Variants in CCT7 observed in about 807,000 individuals in gnomAD.
CCT7 encodes chaperonin containing TCP1 subunit 7.
Under a neutral mutation model 56.6 loss-of-function variants are expected in CCT7, and 16 were observed. The ratio of observed to expected loss-of-function variants is 0.28; its 90% CI spans 0.19 to 0.43. The LOEUF (loss-of-function observed/expected upper bound fraction) is 0.43, where lower values mean the gene tolerates loss of function less well. Ranked by LOEUF, CCT7 falls within the 20% of genes least tolerant of loss-of-function variation. The probability of loss-of-function intolerance (pLI) is 1.00; values close to 1 mark genes in which losing one functional copy is unlikely to be tolerated. For missense variants in CCT7, 519 were observed against 685.6 expected (o/e 0.76, Z 2.71); for synonymous variants, 262 against 254.8 (o/e 1.03, Z -0.27).
At chr2:73,252,326 T>G (rs535464915) in intron 11 of CCT7, among the ~76,000 whole-genome samples, 6 of 114,496 alleles carry the variant, frequency 5.2e-5, no homozygotes, top group Admixed American at 8.0e-5. Flanking sequence ...CATTGTTTGA[T>G]ATATATATAT....
intron 4 of CCT7, among the ~76,000 whole-genome samples, chr2:73,243,674 A>G (rs1687210876): frequency 6.6e-6 from 1 of 152,244 alleles, no homozygotes; most frequent in Non-Finnish European, 1.5e-5. Flanking sequence ...TTAGTAAACC[A>G]GGAGGTTTGG....
chr2:73,252,689 A>G lies in CCT7; in HGVS notation c.1460A>G (p.Asn487Ser). The G allele has an allele frequency of 1.2e-6, 2 of 1,614,152 alleles. No individual in the cohort carries two copies. The highest frequency in any genetic ancestry group is 1.7e-6 in the Non-Finnish European group (2 of 1,180,020). ...ATCAACAACGAGGACATTGCTGACA[A>G]CTTTGAAGCTTTCGTGTGGGAGCCA... ...VDINNEDIAD[N>S]FEAFVWEPAM... The change falls in exon 12 of 12, where the codon AAC (asparagine) becomes AGC (serine). Residue 487 changes from asparagine to serine, a missense_variant. Asn to Ser is a conservative substitution (Grantham distance 46, BLOSUM62 1). Transcript: ENST00000258091.
chr2:73,243,986 GT>G lies in CCT7; in HGVS notation c.394-9del. ...AGCATGAGAGACTCATTCAACTTCT[GT>G]TCTTGGCAGGCAGTTAACAAGATCA... On this transcript the variant is annotated splice_polypyrimidine_tract_variant and intron_variant, in intron 4 of 11. Transcript: ENST00000258091. 6.2e-7 allele frequency: 1 copy of G among 1,613,204 alleles called. No individual in the cohort carries two copies.
At chr2:73,245,310 A>G (rs1392314692) in intron 6 of CCT7, among the ~76,000 whole-genome samples, 4 of 152,236 alleles carry the variant, frequency 2.6e-5, no homozygotes, top group Admixed American at 1.3e-4. Flanking sequence ...GCTTTTGTCC[A>G]TTTAACAACA....
chr2:73,250,032 C>A, intron 9 of CCT7, 116 bp downstream of exon 9: 1 of 785,734 alleles, frequency 1.3e-6, no homozygotes, highest in Admixed American at 1.9e-5. Flanking sequence ...AAGTGGTATA[C>A]AGCTTTTACA....
At chr2:73,251,605 G>A (rs543229473) in intron 11 of CCT7, among the ~76,000 whole-genome samples, 173 bp downstream of exon 11, 2 of 152,340 alleles carry the variant, frequency 1.3e-5, no homozygotes, top group East Asian at 3.9e-4. Flanking sequence ...AAGCCATGGT[G>A]CTAGCACAGG....
rs753075341 is a variant in CCT7, at chr2:73,250,291, T to C, written c.1071-15T>C. The stretch of plus-strand genomic sequence containing the variant: ...GACAAGAGTTCATGTGTGTACTGTT[T>C]AATCCTGGGCATAGGTACAATTTTT... On this transcript the variant is annotated splice_polypyrimidine_tract_variant and intron_variant, in intron 9 of 11. Coordinates refer to ENST00000258091, the MANE Select transcript of CCT7 (RefSeq NM_006429.4). 2 of 1,614,074 alleles carry C rather than the reference T, an allele frequency of 1.2e-6. No homozygotes were observed. Among genetic ancestry groups the C allele is most frequent in the Admixed American group, 3.3e-5 (2 of 60,014 alleles).
At chr2:73,243,207 G>T in intron 4 of CCT7, 78 bp downstream of exon 4, 1 of 1,526,680 alleles carries the variant, frequency 6.6e-7, no homozygotes, top group South Asian at 1.2e-5. Flanking sequence ...TTCTTTTCAG[G>T]AGTGTGGAGG....
At chr2:73,235,321 G>C (rs1445588417) in intron 1 of CCT7, among the ~76,000 whole-genome samples, 1 of 152,136 alleles carries the variant, frequency 6.6e-6, no homozygotes, top group Non-Finnish European at 1.5e-5. Flanking sequence ...GGTGGTGTTT[G>C]ACCCTGACTG....
In CCT7 at chr2:73,250,452, ATCC is replaced by A. The variant is rs1346459408; in HGVS notation, c.1203+19_1203+21del. On this transcript the variant is annotated intron_variant, in intron 10 of 11. Coordinates refer to ENST00000258091, the MANE Select transcript of CCT7 (RefSeq NM_006429.4). ...AGGGCCATCAAGGTACTGGGCTGATATCCTCCTGCTTGCACAGCCTACTCTCTC... is the reference window on the plus strand; with the variant it reads ...AGGGCCATCAAGGTACTGGGCTGATATCCTGCTTGCACAGCCTACTCTCTC... 1.2e-6 allele frequency: 2 copies of A among 1,613,394 alleles called. No homozygotes were observed. Among genetic ancestry groups the A allele is most frequent in the East Asian group, 4.5e-5 (2 of 44,872 alleles).
rs140244957 is a variant in CCT7, at chr2:73,240,693, T to G, written c.267+150T>G. ...AAAAGTATTTAGAATTAACAGCCTTTTAAAATTCATACTATTTCGTTACAT... is the reference window on the plus strand; with the variant it reads ...AAAAGTATTTAGAATTAACAGCCTTGTAAAATTCATACTATTTCGTTACAT... On this transcript the variant is annotated intron_variant, in intron 3 of 11. Transcript: ENST00000258091. 1.2e-3 allele frequency: 546 copies of G among 448,612 alleles called. 1 individual carries two copies. Among genetic ancestry groups the G allele is most frequent in the African/African-American group, 9.8e-3 (482 of 49,158 alleles). The allele number at this position is 448,612 out of a possible 1,614,324, so 27.8% of individuals were successfully genotyped here. A position where few individuals can be genotyped will look rare whatever the true frequency, so the allele number is the denominator to read the frequency against.
chr2:73,252,142 T>G (rs1687618944), intron 11 of CCT7, among the ~76,000 whole-genome samples: 1 of 152,022 alleles, frequency 6.6e-6, no homozygotes, highest in Non-Finnish European at 1.5e-5. Flanking sequence ...GATAGAGGTT[T>G]GTTAAGTGCT....
At chr2:73,244,999 C>T (rs975021662) in intron 6 of CCT7, among the ~76,000 whole-genome samples, 4 of 152,108 alleles carry the variant, frequency 2.6e-5, no homozygotes, top group Non-Finnish European at 4.4e-5. Flanking sequence ...GTAGGACTAG[C>T]TCAAATCATC....
intron 10 of CCT7, 51 bp downstream of exon 10, chr2:73,250,489 C>T: frequency 6.2e-7 from 1 of 1,601,962 alleles, no homozygotes; most frequent in Non-Finnish European, 8.5e-7. Context: ...TCCTATCTCC[C>T]TAGCTGATCA....
At chr2:73,243,875 G>A in intron 4 of CCT7, 122 bp from the exon 5 acceptor site, 1 of 828,668 alleles carries the variant, frequency 1.2e-6, no homozygotes. Flanking sequence ...TGTTTTTTCA[G>A]CTGTAGAGTA....
chr2:73,246,083 G>A (rs3820701), intron 6 of CCT7, among the ~76,000 whole-genome samples: 14,422 of 152,158 alleles, frequency 0.095, 896 homozygotes, highest in African/African-American at 0.17. Flanking sequence ...CCACACTTGC[G>A]TTTTTCCGAG....
In CCT7 at chr2:73,252,681, T is replaced by A; in HGVS notation, c.1452T>A (p.Ile484=). The change falls in exon 12 of 12, where the codon ATT becomes ATA. Residue 484 remains isoleucine (I), a synonymous_variant. Coordinates refer to ENST00000258091, the MANE Select transcript of CCT7 (RefSeq NM_006429.4). ...GAGTAGACATCAACAACGAGGACATTGCTGACAACTTTGAAGCTTTCGTGT... is the reference window on the plus strand; with the variant it reads ...GAGTAGACATCAACAACGAGGACATAGCTGACAACTTTGAAGCTTTCGTGT... ...WYGVDINNED[I]ADNFEAFVWE... 1 of 1,614,160 alleles carries A rather than the reference T, an allele frequency of 6.2e-7. No homozygotes were observed. The highest frequency in any genetic ancestry group is 8.5e-7 in the Non-Finnish European group (1 of 1,180,020).
In CCT7 at chr2:73,251,275, A is replaced by G. The variant is rs772492644; in HGVS notation, c.1253A>G (p.Lys418Arg). The G allele has an allele frequency of 1.2e-6, 2 of 1,614,128 alleles. No homozygotes were observed. The highest frequency in any genetic ancestry group is 2.2e-5 in the East Asian group (1 of 44,900). ...GGGAIEMELS[K>R]YLRDYSRTIP... ...GGGGCCATTGAGATGGAACTCTCCA[A>G]GTACCTGCGGGATTACTCAAGGACT... is the stretch of plus-strand genomic sequence containing the variant. Residue 418 changes from lysine (K) to arginine (R), a missense_variant, in exon 11 of 12, where the codon AAG becomes AGG. Coordinates refer to ENST00000258091, the MANE Select transcript of CCT7 (RefSeq NM_006429.4).
At chr2:73,252,324 G>GATATATATATATATATACATAT (rs1687627041) in intron 11 of CCT7, among the ~76,000 whole-genome samples, 1 of 127,320 alleles carries the variant, frequency 7.9e-6, no homozygotes, top group Non-Finnish European at 1.7e-5. Context: ...CTCATTGTTT[G>GATATATATATATATATACATAT]ATATATATAT....
Sources: gnomAD v4.1 joint callset for allele counts (sites outside exome capture counted in the v4.1 genomes callset) on GRCh38, gnomAD v4.1.1 for gene constraint, MANE v1.5 for transcripts, NCBI Gene and HGNC (gene_info 2026-07-23, HGNC 2026-07-21) for gene names.